ADK: variants seen among roughly 807,000 people sequenced by gnomAD.
ADK encodes the protein N6,N6-dimethyladenosine kinase.
A neutral mutation model predicts 44.7 loss-of-function variants in ADK; 24 were observed. The ratio of observed to expected loss-of-function variants is 0.54; its 90% CI spans 0.39 to 0.76. The LOEUF (loss-of-function observed/expected upper bound fraction) is 0.76, where lower values mean the gene tolerates loss of function less well. ADK is among the 30% of genes least tolerant of loss of function. The probability of loss-of-function intolerance (pLI) is 0.00; values close to 1 mark genes in which losing one functional copy is unlikely to be tolerated. For missense variants in ADK, 321 were observed against 425.1 expected, an observed-to-expected ratio of 0.76 and a Z score of 2.15; for synonymous variants, 128 against 142.6, an observed-to-expected ratio of 0.90 and a Z score of 0.73.
intron 6 of ADK, among the ~76,000 whole-genome samples, chr10:74,502,089 A>G (rs186505255): frequency 6.6e-6 from 1 of 152,222 alleles, no homozygotes; most frequent in East Asian, 1.9e-4. Context: ...TCACAAATGA[A>G]AAAACTAAAA....
intron 7 of ADK, among the ~76,000 whole-genome samples, chr10:74,556,683 T>G (rs1394894702): frequency 6.6e-6 from 1 of 152,232 alleles, no homozygotes; most frequent in African/African-American, 2.4e-5. Context: ...TTCAAGTTTT[T>G]AAAAATATAG....
chr10:74,192,377 A>G (rs1842983376), intron 1 of ADK, among the ~76,000 whole-genome samples: 1 of 151,888 alleles, frequency 6.6e-6, no homozygotes, highest in Admixed American at 6.6e-5. Flanking sequence ...ACAGGCGCAC[A>G]CTACCACACC....
intron 10 of ADK, among the ~76,000 whole-genome samples, chr10:74,678,887 C>T (rs774432210): frequency 6.6e-6 from 1 of 152,156 alleles, no homozygotes; most frequent in Non-Finnish European, 1.5e-5. Flanking sequence ...TTAAATGAAT[C>T]TGGTCAATTT....
intron 5 of ADK, among the ~76,000 whole-genome samples, chr10:74,397,815 C>T (rs1843570392): frequency 6.6e-6 from 1 of 152,214 alleles, no homozygotes; most frequent in South Asian, 2.1e-4. Context: ...GCTGGGATTT[C>T]AGCTTTGAGC....
intron 6 of ADK, among the ~76,000 whole-genome samples, chr10:74,408,084 A>G (rs1262900305): frequency 6.6e-6 from 1 of 150,482 alleles, no homozygotes; most frequent in Non-Finnish European, 1.5e-5. Context: ...GGTTTGAACG[A>G]TTCTCCTGCG....
At chr10:74,310,683 A>T (rs369706776) in intron 3 of ADK, among the ~76,000 whole-genome samples, 3 of 152,276 alleles carry the variant, frequency 2.0e-5, no homozygotes, top group East Asian at 3.9e-4. Context: ...AGAGTTTAAT[A>T]ATTTCTAGTA....
chr10:74,248,736 G>C (rs1235681440), intron 3 of ADK, among the ~76,000 whole-genome samples: 1 of 152,216 alleles, frequency 6.6e-6, no homozygotes, highest in East Asian at 1.9e-4. Context: ...TGGTTTAGCA[G>C]ATGTATTCTA....
chr10:74,520,843 A>C (rs905808661), intron 6 of ADK, among the ~76,000 whole-genome samples: 24 of 152,146 alleles, frequency 1.6e-4, no homozygotes, highest in Non-Finnish European at 3.1e-4. Context: ...TAATGAATAC[A>C]ACAGTCCCAC....
chr10:74,295,788 A>T (rs940993430), intron 3 of ADK, among the ~76,000 whole-genome samples: 2 of 151,466 alleles, frequency 1.3e-5, no homozygotes, highest in African/African-American at 4.8e-5. Flanking sequence ...GGCTTTTTAG[A>T]TTTTTTTTCA....
At chr10:74,209,665 C>T (rs1212734950) in intron 2 of ADK, among the ~76,000 whole-genome samples, 5 of 151,314 alleles carry the variant, frequency 3.3e-5, no homozygotes, top group Non-Finnish European at 7.4e-5. Context: ...GACTGGAGTG[C>T]AGTAGCACAA....
intron 3 of ADK, among the ~76,000 whole-genome samples, chr10:74,236,050 A>C (rs1317087465): frequency 6.6e-6 from 1 of 152,148 alleles, no homozygotes; most frequent in East Asian, 1.9e-4. Flanking sequence ...TTTATAAATT[A>C]CCCAATCTCA....
chr10:74,321,988 T>C (rs1840824036), intron 4 of ADK, among the ~76,000 whole-genome samples: 1 of 152,236 alleles, frequency 6.6e-6, no homozygotes, highest in South Asian at 2.1e-4. Context: ...ACATTACTAA[T>C]TGAGTTACAG....
chr10:74,424,317 C>T (rs1256781895), intron 6 of ADK, among the ~76,000 whole-genome samples: 1 of 151,880 alleles, frequency 6.6e-6, no homozygotes, highest in East Asian at 1.9e-4. Flanking sequence ...GGAGGATCAC[C>T]TGAGGTCAGG....
At chr10:74,168,032 T>C (rs1842075398) in intron 1 of ADK, among the ~76,000 whole-genome samples, 1 of 152,234 alleles carries the variant, frequency 6.6e-6, no homozygotes, top group African/African-American at 2.4e-5. Context: ...TAAAATTTCT[T>C]TCTCTACATT....
At chr10:74,485,481 A>G (rs1213310459) in intron 6 of ADK, among the ~76,000 whole-genome samples, 2 of 151,048 alleles carry the variant, frequency 1.3e-5, no homozygotes, top group Admixed American at 6.6e-5. Context: ...AAATAAATAA[A>G]TAAATAAATA....
chr10:74,456,805 A>T (rs1845966068), intron 6 of ADK, among the ~76,000 whole-genome samples: 1 of 152,180 alleles, frequency 6.6e-6, no homozygotes, highest in South Asian at 2.1e-4. Flanking sequence ...ACAATATACC[A>T]GAATCTCTTG....
chr10:74,615,808 A>G (rs938402968), intron 9 of ADK, among the ~76,000 whole-genome samples: 1 of 152,064 alleles, frequency 6.6e-6, no homozygotes, highest in Non-Finnish European at 1.5e-5. Flanking sequence ...TCCTGGGTTC[A>G]AGCGATTCCC....
intron 4 of ADK, among the ~76,000 whole-genome samples, chr10:74,382,236 C>T (rs895094076): frequency 1.3e-5 from 2 of 152,114 alleles, no homozygotes; most frequent in African/African-American, 4.8e-5. Flanking sequence ...GTAGCTAGAA[C>T]TACAGGTGCA....
chr10:74,498,146 C>G (rs1847758327), intron 6 of ADK, among the ~76,000 whole-genome samples: 1 of 152,178 alleles, frequency 6.6e-6, no homozygotes, highest in Non-Finnish European at 1.5e-5. Flanking sequence ...GCCTCAGCCT[C>G]CCAAAGTGCT....
Sources: gnomAD v4.1 joint callset for allele counts (sites outside exome capture counted in the v4.1 genomes callset) on GRCh38, gnomAD v4.1.1 for gene constraint, MANE v1.5 for transcripts, NCBI Gene and HGNC (gene_info 2026-07-23, HGNC 2026-07-21) for gene names.